Variants in PTK2 observed in about 807,000 individuals in gnomAD.
PTK2 encodes protein tyrosine kinase 2.
In PTK2, 45 loss-of-function variants were observed where a neutral mutation model predicts 150.1. That is an observed-to-expected ratio of 0.30 (90% CI 0.24 to 0.38). PTK2 has a LOEUF of 0.38. Ranked by LOEUF, PTK2 falls within the 10% of genes least tolerant of loss-of-function variation. The pLI is 1.00. For synonymous variants in PTK2, 432 were observed against 449.2 expected (o/e 0.96, Z 0.48); for missense variants, 919 against 1,307.3 (o/e 0.70, Z 4.58).
intron 3 of PTK2, among the ~76,000 whole-genome samples, chr8:140,881,961 A>G (rs921405209): frequency 6.6e-6 from 1 of 151,486 alleles, no homozygotes; most frequent in Non-Finnish European, 1.5e-5. Context: ...GATCTGAGTG[A>G]CACAGCCTTT....
chr8:140,941,351 C>T (rs549149170), intron 1 of PTK2, among the ~76,000 whole-genome samples: 2 of 152,322 alleles, frequency 1.3e-5, no homozygotes, highest in South Asian at 2.1e-4. Context: ...AAATAGTTCT[C>T]TGCAGAGGCT....
At chr8:140,720,287 G>A (rs1235083053) in intron 22 of PTK2, among the ~76,000 whole-genome samples, 1 of 152,064 alleles carries the variant, frequency 6.6e-6, no homozygotes, top group Non-Finnish European at 1.5e-5. Flanking sequence ...CTTTGAAACA[G>A]TGCCTGGCAC....
intron 22 of PTK2, among the ~76,000 whole-genome samples, chr8:140,733,966 T>G (rs1170585087): frequency 1.3e-5 from 2 of 152,246 alleles, no homozygotes; most frequent in Admixed American, 6.5e-5. Flanking sequence ...TTGTTCACTG[T>G]TGGACCCACA....
intron 1 of PTK2, among the ~76,000 whole-genome samples, chr8:140,995,057 T>C (rs1400912307): frequency 7.1e-6 from 1 of 141,398 alleles, no homozygotes; most frequent in African/African-American, 2.6e-5. Context: ...CACTCCATCC[T>C]GGGCAACAAG....
In PTK2 at chr8:140,868,332, C is replaced by A. The variant is rs376682244; in HGVS notation, c.363-3933G>T. ...ATGTGGTGTGAACAGTCTGTTCTTA[C>A]AATAGACTTCCAATTTTTTTAAAAA... On this transcript the variant is annotated intron_variant, in intron 4 of 31. Coordinates refer to ENST00000522684, the Ensembl canonical transcript of PTK2. 1.1e-3 allele frequency among the ~76,000 whole-genome samples: 173 copies of A among 152,176 alleles called. 1 individual carries two copies. The highest frequency in any genetic ancestry group is 4.0e-3 in the African/African-American group (164 of 41,508).
intron 5 of PTK2, among the ~76,000 whole-genome samples, chr8:140,852,602 ATACT>A (rs2100130000): frequency 6.6e-6 from 1 of 152,264 alleles, no homozygotes; most frequent in Non-Finnish European, 1.5e-5. Flanking sequence ...ACTAAACTGC[ATACT>A]TAAATTATTT....
rs140696131 is a variant in PTK2, at chr8:140,986,741, C to G, written c.-122+14384G>C. 3.6e-3 allele frequency among the ~76,000 whole-genome samples: 544 copies of G among 152,274 alleles called. 4 individuals carry two copies. The highest frequency in any genetic ancestry group is 0.012 in the African/African-American group (516 of 41,554). ...TATGAGGGGTCCAAACAATCTCAAG[C>G]CTTGAATTCGGTTTAAGGAGATCCC... On this transcript the variant is annotated intron_variant, in intron 1 of 31. Coordinates refer to ENST00000522684, the Ensembl canonical transcript of PTK2.
rs114294342 is a variant in PTK2 at position 140,840,588 on chromosome 8, G to A, written c.593+5672C>T. Among the ~76,000 whole-genome samples, 681 of 151,966 alleles carry A rather than the reference G, an allele frequency of 4.5e-3. 4 individuals are homozygous for A. The highest frequency in any genetic ancestry group is 0.016 in the African/African-American group (645 of 41,448). On this transcript the variant is annotated intron_variant, in intron 7 of 31. Transcript: ENST00000522684. ...AAATCTGGAGTTGGTTAATATAGAAGGTTAAATGTAAGGGTAACTAATGAA... is the reference window on the plus strand; with the variant it reads ...AAATCTGGAGTTGGTTAATATAGAAAGTTAAATGTAAGGGTAACTAATGAA...
intron 26 of PTK2, among the ~76,000 whole-genome samples, chr8:140,694,337 G>A (rs761547610): frequency 1.1e-4 from 17 of 152,162 alleles, no homozygotes; most frequent in East Asian, 5.8e-4. Context: ...CACCGCACCC[G>A]GCCTGGTAAG....
intron 3 of PTK2, among the ~76,000 whole-genome samples, chr8:140,879,968 C>G (rs2100148264): frequency 6.6e-6 from 1 of 152,140 alleles, no homozygotes; most frequent in Non-Finnish European, 1.5e-5. Context: ...CATCACCCCC[C>G]AACCTGTCAA....
chr8:140,668,233 A>G, intron 30 of PTK2, 36 bp downstream of exon 34: 1 of 1,612,500 alleles, frequency 6.2e-7, no homozygotes, highest in Non-Finnish European at 8.5e-7. Flanking sequence ...GGAAACAAGA[A>G]CATTTTTGCC....
At chr8:140,713,841 G>C (rs966029711) in intron 23 of PTK2, among the ~76,000 whole-genome samples, 6 of 152,128 alleles carry the variant, frequency 3.9e-5, no homozygotes, top group African/African-American at 1.2e-4. Flanking sequence ...TGGTTATAAT[G>C]CTTTTACTAT....
chr8:140,868,342 C>T (rs1335020510), intron 4 of PTK2, among the ~76,000 whole-genome samples: 1 of 152,070 alleles, frequency 6.6e-6, no homozygotes, highest in African/African-American at 2.4e-5. Context: ...CAATAGACTT[C>T]CAATTTTTTT....
intron 17 of PTK2, among the ~76,000 whole-genome samples, chr8:140,749,140 A>G (rs946660293): frequency 3.3e-5 from 5 of 152,150 alleles, no homozygotes; most frequent in Non-Finnish European, 5.9e-5. Context: ...CAAGAACAGG[A>G]CCTGGTAGTT....
At chr8:140,737,856 A>AGT (rs2154410955) in intron 21 of PTK2, among the ~76,000 whole-genome samples, 1 of 152,332 alleles carries the variant, frequency 6.6e-6, no homozygotes, top group African/African-American at 2.4e-5. Flanking sequence ...CACACAGATA[A>AGT]TAATCAAGGC....
intron 1 of PTK2, among the ~76,000 whole-genome samples, chr8:140,959,939 C>G (rs1261081324): frequency 2.0e-5 from 3 of 151,760 alleles, no homozygotes; most frequent in African/African-American, 4.8e-5. Flanking sequence ...TCTGCTTGAG[C>G]CTGTGAGGTC....
chr8:140,976,877 G>C (rs1054384936), intron 1 of PTK2, among the ~76,000 whole-genome samples: 1 of 151,856 alleles, frequency 6.6e-6, no homozygotes, highest in Admixed American at 6.6e-5. Flanking sequence ...CTACAATATA[G>C]GTCTATTTAA....
At chr8:140,827,794 G>C (rs2100112740) in intron 8 of PTK2, among the ~76,000 whole-genome samples, 1 of 152,138 alleles carries the variant, frequency 6.6e-6, no homozygotes. Flanking sequence ...GACAGCAACA[G>C]ATATTGTCTT....
intron 8 of PTK2, among the ~76,000 whole-genome samples, chr8:140,824,697 G>A (rs2100110833): frequency 6.6e-6 from 1 of 152,132 alleles, no homozygotes; most frequent in Non-Finnish European, 1.5e-5. Context: ...ATTACTCAGT[G>A]GGGAACAAAA....
Sources: allele counts gnomAD v4.1 joint callset (sites outside exome capture counted in the v4.1 genomes callset), GRCh38; gene constraint gnomAD v4.1.1; transcripts MANE v1.5; gene names NCBI Gene and HGNC (gene_info 2026-07-23, HGNC 2026-07-21).